The following SACS variants were observed in gnomAD, a reference collection of about 807,000 sequenced individuals.
The protein encoded by SACS is sacsin molecular chaperone.
A neutral mutation model predicts 348.0 loss-of-function variants in SACS; 197 were observed. That is an observed-to-expected ratio of 0.57 (90% CI 0.50 to 0.64). The LOEUF is 0.64. SACS is among the 30% of genes least tolerant of loss of function. SACS has a pLI of 0.00. For missense variants in SACS, 4,999 were observed against 5,360.8 expected (o/e 0.93, Z 2.11); for synonymous variants, 1,985 against 1,910.6 (o/e 1.04, Z -1.02).
At chr13:23,416,998 T>C (rs1266290851) in intron 1 of SACS, among the ~76,000 whole-genome samples, 1 of 152,122 alleles carries the variant, frequency 6.6e-6, no homozygotes, top group Non-Finnish European at 1.5e-5. Flanking sequence ...ACAATGTTAA[T>C]AATAGATTTT....
chr13:23,368,890 G>A (rs892526578), intron 4 of SACS, among the ~76,000 whole-genome samples: 54 of 152,100 alleles, frequency 3.6e-4, no homozygotes, highest in African/African-American at 1.1e-3. Flanking sequence ...TAGTAGAGAT[G>A]GGGTTTCACC....
At chr13:23,401,330 C>T (rs9578590) in intron 2 of SACS, among the ~76,000 whole-genome samples, 3,108 of 152,280 alleles carry the variant, frequency 0.02, 94 homozygotes, top group African/African-American at 0.071. Flanking sequence ...ATCAGAAACT[C>T]AAAGGAATGC....
In SACS at chr13:23,405,163, C is replaced by T. The variant is rs377238201; in HGVS notation, c.20+6057G>A. 9.2e-5 allele frequency among the ~76,000 whole-genome samples: 14 copies of T among 152,158 alleles called. No individual in the cohort carries two copies. The East Asian group carries it at 2.3e-3, about 25-fold the overall frequency. On this transcript the variant is annotated intron_variant, in intron 2 of 9. Transcript: ENST00000382292. ...TCACATTACCAGACTTCAAACTATA[C>T]TACAAGTCTACAGTAGCCAAAACAG...
Position 23,430,543 on chromosome 13 carries a change from A to T in SACS, c.-502+3072T>A, listed in dbSNP as rs140329598. ...TTTAAATGGTGAAATTTATCATTGC[A>T]TTAAAAACAAGGAAAAAGGCTAAAG... On this transcript the variant is annotated intron_variant, in intron 1 of 9. Transcript: ENST00000382292. 3.5e-3 allele frequency among the ~76,000 whole-genome samples: 530 copies of T among 152,320 alleles called. 4 individuals carry two copies. Among genetic ancestry groups the T allele is most frequent in the African/African-American group, 0.012 (510 of 41,574 alleles).
chr13:23,399,034 A>G (rs901808806), intron 2 of SACS, among the ~76,000 whole-genome samples: 3 of 150,360 alleles, frequency 2.0e-5, no homozygotes, highest in Non-Finnish European at 4.4e-5. Context: ...AAAAAAAAAA[A>G]AAACATGGAT....
intron 1 of SACS, among the ~76,000 whole-genome samples, chr13:23,420,557 T>TCTGGGGCCTGGTATTTAG (rs1175003648): frequency 2.0e-5 from 3 of 151,790 alleles, no homozygotes; most frequent in Non-Finnish European, 4.4e-5. Flanking sequence ...CCAATGTAAA[T>TCTGGGGCCTGGTATTTAG]CTGGGGCCTG....
Position 23,331,119 on chromosome 13 carries a change from G to A in SACS, c.12757C>T (p.Gln4253Ter). The A allele has an allele frequency of 1.9e-6, 3 of 1,614,098 alleles. No individual in the cohort carries two copies. The highest frequency in any genetic ancestry group is 2.5e-6 in the Non-Finnish European group (3 of 1,179,990). The change falls in exon 10 of 10, where the codon CAA (glutamine) becomes TAA (stop). Residue 4253 changes from glutamine to a stop codon, truncating the protein, a stop_gained. Transcript: ENST00000382292. LOFTEE classifies it high-confidence loss of function. ...YKFSRPEESS[Q>*]SRDSAPSTPT... ...GTAGAAGGAGCACTGTCCCTGCTTTGAGAGCTTTCCTCAGGTCTTGAAAAC... is the reference window on the plus strand; with the variant it reads ...GTAGAAGGAGCACTGTCCCTGCTTTAAGAGCTTTCCTCAGGTCTTGAAAAC...
Position 23,336,833 on chromosome 13 carries a change from A to AT in SACS, c.7042_7043insA (p.Leu2348HisfsTer3). ...TGAGTCAACATATGCATTCTCAACTAGAATGAAGCTAAAGGGTTTTAACTT... is the reference window on the plus strand; with the variant it reads ...TGAGTCAACATATGCATTCTCAACTATGAATGAAGCTAAAGGGTTTTAACTT... On this transcript the variant is annotated frameshift_variant, in exon 10 of 10. Coordinates refer to ENST00000382292, the MANE Select transcript of SACS (RefSeq NM_014363.6). LOFTEE classifies it high-confidence loss of function. The AT allele has an allele frequency of 6.2e-7, 1 of 1,613,784 alleles. No homozygotes were observed. Among genetic ancestry groups the AT allele is most frequent in the Non-Finnish European group, 8.5e-7 (1 of 1,179,772 alleles).
Position 23,335,006 on chromosome 13 carries a change from T to TAAA in SACS, c.8869_8870insTTT (p.Lys2957delinsIleTer). On this transcript the variant is annotated stop_gained and protein_altering_variant, in exon 10 of 10. Coordinates refer to ENST00000382292, the MANE Select transcript of SACS (RefSeq NM_014363.6). LOFTEE classifies it high-confidence loss of function. The surrounding 1 kb of genome is among the most constrained non-coding windows in gnomAD (Gnocchi z 4.7). ...AACTGGGAAAAACGATAAAAACTTC[T>TAAA]TTAAAGTGTCCTTTACAACATGAAT... 6.2e-7 allele frequency: 1 copy of TAAA among 1,613,842 alleles called. No individual in the cohort carries two copies. The highest frequency in any genetic ancestry group is 8.5e-7 in the Non-Finnish European group (1 of 1,179,796).
Position 23,341,306 on chromosome 13 carries a change from G to C in SACS, c.2570C>G (p.Ala857Gly). 1 of 1,607,692 alleles carries C rather than the reference G, an allele frequency of 6.2e-7. No homozygotes were observed. The highest frequency in any genetic ancestry group is 8.5e-7 in the Non-Finnish European group (1 of 1,176,344). The change falls in exon 10 of 10, where the codon GCA (alanine) becomes GGA (glycine). Residue 857 changes from alanine to glycine, a missense_variant. Ala to Gly is a moderately conservative substitution (Grantham distance 60). This residue lies in a region of SACS where 3,156 missense variants were observed against 3,380.1 expected (regional missense o/e 0.93). Transcript: ENST00000382292. ...LGGFVLKKLD[A>G]SIQHPLIKKY... Reference sequence around the variant, plus strand: ...TTTAATAAGCGGATGTTGTATAGATGCATCTAATTTTTTAAGGACAAACCC... The same window carrying C: ...TTTAATAAGCGGATGTTGTATAGATCCATCTAATTTTTTAAGGACAAACCC...
intron 2 of SACS, among the ~76,000 whole-genome samples, chr13:23,406,310 G>A (rs973831513): frequency 2.0e-5 from 3 of 151,716 alleles, no homozygotes; most frequent in Non-Finnish European, 4.4e-5. Flanking sequence ...GTTCTCACTC[G>A]TAAGTGGGAG....
At chr13:23,361,312 G>A (rs1381557002) in intron 6 of SACS, among the ~76,000 whole-genome samples, 1 of 152,264 alleles carries the variant, frequency 6.6e-6, no homozygotes, top group Middle Eastern at 3.4e-3. Context: ...GTATAATTCT[G>A]ATCATATTCA....
intron 1 of SACS, chr13:23,427,726 G>A (rs1342889410): frequency 6.6e-6 from 1 of 152,266 alleles, no homozygotes; most frequent in African/African-American, 2.4e-5. Context: ...GAAGAGTGTG[G>A]GAAGTGAAGA....
chr13:23,334,367 C>G lies in SACS; in HGVS notation c.9509G>C (p.Arg3170Pro). 6.2e-7 allele frequency: 1 copy of G among 1,612,320 alleles called. No homozygotes were observed. Among genetic ancestry groups the G allele is most frequent in the Non-Finnish European group, 8.5e-7 (1 of 1,179,162 alleles). Residue 3170 changes from arginine (R) to proline (P), a missense_variant, in exon 10 of 10, where the codon CGA (arginine) becomes CCA (proline). Arg to Pro is a moderately radical substitution (Grantham distance 103, BLOSUM62 -2). Coordinates refer to ENST00000382292, the MANE Select transcript of SACS (RefSeq NM_014363.6). Reference sequence around the variant, plus strand: ...ATGATATGTTGTTAGAAACTTGGGTCGTTTTGCATCAAAAGTTTGCAAAAC... The same window carrying G: ...ATGATATGTTGTTAGAAACTTGGGTGGTTTTGCATCAAAAGTTTGCAAAAC... Reference protein sequence around the residue: ...DSVLQTFDAKRPKFLTTYHEL... With the variant: ...DSVLQTFDAKPPKFLTTYHEL...
intron 2 of SACS, among the ~76,000 whole-genome samples, chr13:23,391,765 G>A (rs145639593): frequency 0.011 from 1,643 of 152,036 alleles, 33 homozygotes; most frequent in African/African-American, 0.038. Context: ...CACACAGTAT[G>A]ATCGCCTATT....
rs1566062711 is a variant in SACS, at chr13:23,335,291, TTA to T, written c.8583_8584del (p.Tyr2861Ter). The stretch of plus-strand genomic sequence containing the variant: ...AAAACAGAAGGCCCTATGGGGTTTT[TTA>T]TAGTTGTGAGTAATGCAGGCAGCTA... On this transcript the variant is annotated stop_gained and frameshift_variant, in exon 10 of 10. Coordinates refer to ENST00000382292, the MANE Select transcript of SACS (RefSeq NM_014363.6). LOFTEE classifies it high-confidence loss of function. The surrounding 1 kb of genome is among the most constrained non-coding windows in gnomAD (Gnocchi z 4.7). 1 of 1,613,958 alleles carries T rather than the reference TTA, an allele frequency of 6.2e-7. No individual in the cohort carries two copies. Among genetic ancestry groups the T allele is most frequent in the Non-Finnish European group, 8.5e-7 (1 of 1,179,888 alleles).
rs1416300984 is a variant in SACS, at chr13:23,411,394, A to G, written c.-155T>C. The G allele has an allele frequency of 1.4e-6, 1 of 697,644 alleles. No individual in the cohort carries two copies. Among genetic ancestry groups the G allele is most frequent in the African/African-American group, 1.8e-5 (1 of 56,552 alleles). 43.2% of individuals were successfully genotyped at this position (697,644 alleles called of 1,614,324 possible). Reference sequence around the variant, plus strand: ...AAGCCTGTTTTTCCCTTCAGTGTCCATTCATCATCTGATGTCAGGAAACAT... The same window carrying G: ...AAGCCTGTTTTTCCCTTCAGTGTCCGTTCATCATCTGATGTCAGGAAACAT... On this transcript the variant is annotated 5_prime_UTR_variant, in exon 2 of 10. It removes an upstream start codon present in the reference 5' UTR. Transcript: ENST00000382292.
At chr13:23,392,079 G>A (rs1340247054) in intron 2 of SACS, among the ~76,000 whole-genome samples, 1 of 152,164 alleles carries the variant, frequency 6.6e-6, no homozygotes, top group East Asian at 1.9e-4. Flanking sequence ...GGGAGCTGAG[G>A]GAAACCAAGT....
intron 2 of SACS, among the ~76,000 whole-genome samples, chr13:23,379,560 A>T (rs983555208): frequency 6.6e-6 from 1 of 151,618 alleles, no homozygotes; most frequent in Admixed American, 6.6e-5. Flanking sequence ...CTTCACCTCA[A>T]CCTCACCTCC....
Sources: gnomAD v4.1 joint callset for allele counts (sites outside exome capture counted in the v4.1 genomes callset) on GRCh38, gnomAD v4.1.1 for gene constraint, gnomAD v4.1.1 regional missense constraint, Gnocchi (gnomAD v3.1) non-coding constraint, MANE v1.5 for transcripts, NCBI Gene and HGNC (gene_info 2026-07-23, HGNC 2026-07-21) for gene names.